CFAP276: variants seen among roughly 807,000 people sequenced by gnomAD.
CFAP276 encodes the protein cilia and flagella associated protein 276, also known as cilia- and flagella-associated protein 276.
At chr1:109,106,731 T>C in the CFAP276 span, 1 of 1,512,468 alleles carries the variant, frequency 6.6e-7, no homozygotes, top group Non-Finnish European at 9.0e-7. Flanking sequence ...GCAAGGTAGT[T>C]GAATGTGATC....
At chr1:109,113,784 G>T in the CFAP276 span, 2 of 1,286,932 alleles carry the variant, frequency 1.6e-6, no homozygotes, top group Non-Finnish European at 2.2e-6. Flanking sequence ...GGCTGGCTTG[G>T]AGGATGCTTC....
chr1:109,106,603 A>G, the CFAP276 span: 72 of 1,613,918 alleles, frequency 4.5e-5, no homozygotes, highest in Middle Eastern at 1.6e-4. Context: ...GTTAGCCAGG[A>G]AAGTGATGGG....
chr1:109,108,316 T>G, the CFAP276 span, among the ~76,000 whole-genome samples: 1 of 152,194 alleles, frequency 6.6e-6, no homozygotes, highest in East Asian at 1.9e-4. Context: ...CTAATTTTTG[T>G]ATTTTTAGTA....
At chr1:109,110,618 G>A in the CFAP276 span, among the ~76,000 whole-genome samples, 1 of 152,148 alleles carries the variant, frequency 6.6e-6, no homozygotes, top group South Asian at 2.1e-4. Context: ...TATTCTCCAA[G>A]GGTCTCATTT....
At chr1:109,106,919 G>C in the CFAP276 span, 2 of 1,053,560 alleles carry the variant, frequency 1.9e-6, no homozygotes, top group South Asian at 2.8e-5. Flanking sequence ...TGAGTACCTA[G>C]TGATTATCAT....
chr1:109,107,781 G>C, the CFAP276 span: 1 of 653,022 alleles, frequency 1.5e-6, no homozygotes, highest in Non-Finnish European at 2.6e-6. Context: ...AGGAGGCAGA[G>C]GCAGGAGGAT....
chr1:109,109,225 G>T, the CFAP276 span, among the ~76,000 whole-genome samples: 1 of 151,904 alleles, frequency 6.6e-6, no homozygotes, highest in African/African-American at 2.4e-5. Context: ...GAGGCGGGCG[G>T]ATCACCTGAG....
At chr1:109,113,467 A>AGAGAGAGAGAGAGAGAGAGAGAGAGG in the CFAP276 span, among the ~76,000 whole-genome samples, 2 of 126,320 alleles carry the variant, frequency 1.6e-5, no homozygotes, top group Non-Finnish European at 3.4e-5. Context: ...AGAGAGAGAG[A>AGAGAGAGAGAGAGAGAGAGAGAGAGG]GGCCCACGTG....
At chr1:109,106,502 C>A in the CFAP276 span, 2 of 1,608,424 alleles carry the variant, frequency 1.2e-6, no homozygotes, top group South Asian at 1.1e-5. Context: ...TCCCCCACTG[C>A]CCCATCTGCT....
the CFAP276 span, among the ~76,000 whole-genome samples, chr1:109,109,274 C>T: frequency 2.0e-5 from 3 of 151,828 alleles, no homozygotes; most frequent in Non-Finnish European, 2.9e-5. Context: ...CATGATGAAA[C>T]TCCATCTCTA....
the CFAP276 span, among the ~76,000 whole-genome samples, chr1:109,112,980 G>A: frequency 1.3e-5 from 2 of 152,176 alleles, no homozygotes; most frequent in Non-Finnish European, 1.5e-5. Flanking sequence ...TCACCATCAG[G>A]ACTTCTGCAA....
At chr1:109,107,365 G>A in the CFAP276 span, among the ~76,000 whole-genome samples, 1 of 152,138 alleles carries the variant, frequency 6.6e-6, no homozygotes, top group African/African-American at 2.4e-5. Flanking sequence ...TTCCTGATGT[G>A]GGCTTAATGA....
the CFAP276 span, among the ~76,000 whole-genome samples, chr1:109,109,580 A>G: frequency 1.1e-4 from 13 of 114,394 alleles, no homozygotes; most frequent in African/African-American, 4.4e-4. Flanking sequence ...TCTGTCGCCC[A>G]GACTGGAGTA....
chr1:109,112,012 A>G, the CFAP276 span, among the ~76,000 whole-genome samples: 1 of 152,228 alleles, frequency 6.6e-6, no homozygotes, highest in African/African-American at 2.4e-5. Context: ...TTGAATAAAT[A>G]AAAAGGGGCT....
At chr1:109,110,608 T>C in the CFAP276 span, among the ~76,000 whole-genome samples, 5 of 152,228 alleles carry the variant, frequency 3.3e-5, no homozygotes, top group Admixed American at 3.3e-4. Flanking sequence ...TAGGCAGTGC[T>C]ATTCTCCAAG....
chr1:109,108,336 T>G, the CFAP276 span, among the ~76,000 whole-genome samples: 1 of 152,094 alleles, frequency 6.6e-6, no homozygotes, highest in Non-Finnish European at 1.5e-5. Flanking sequence ...AGAAACAGAG[T>G]TTCACCATGT....
chr1:109,111,859 T>C, the CFAP276 span, among the ~76,000 whole-genome samples: 1 of 152,238 alleles, frequency 6.6e-6, no homozygotes, highest in Non-Finnish European at 1.5e-5. Context: ...CACAACTCTG[T>C]CACAACATGT....
the CFAP276 span, among the ~76,000 whole-genome samples, chr1:109,110,373 AC>A: frequency 6.6e-6 from 1 of 151,444 alleles, no homozygotes; most frequent in African/African-American, 2.4e-5. Flanking sequence ...TGCCTCAAGC[AC>A]CCCCTAAAAC....
chr1:109,112,892 T>C, the CFAP276 span: 5 of 677,338 alleles, frequency 7.4e-6, no homozygotes, highest in Admixed American at 3.5e-5. Context: ...CTCCGGGGAC[T>C]GCAGAGGGAA....
Sources: allele counts gnomAD v4.1 joint callset (sites outside exome capture counted in the v4.1 genomes callset), GRCh38; gene constraint gnomAD v4.1.1; transcripts MANE v1.5; gene names NCBI Gene and HGNC (gene_info 2026-07-23, HGNC 2026-07-21).